Variants in FAM149B1 observed in about 807,000 individuals in gnomAD.
The protein encoded by FAM149B1 is primary cilium assembly protein FAM149B1.
A neutral mutation model predicts 75.3 loss-of-function variants in FAM149B1; 56 were observed. That is an observed-to-expected ratio of 0.74 (90% confidence interval 0.60 to 0.93). FAM149B1 has a LOEUF of 0.93. FAM149B1 is among the 40% of genes least tolerant of loss of function. The probability of loss-of-function intolerance (pLI) is 0.00; values close to 1 mark genes in which losing one functional copy is unlikely to be tolerated. For missense variants in FAM149B1, 639 were observed against 708.4 expected, an observed-to-expected ratio of 0.90 and a Z score of 1.11; for synonymous variants, 259 against 256.1, an observed-to-expected ratio of 1.01 and a Z score of -0.11.
At chr10:73,209,163 T>C (rs1288672734) in intron 6 of FAM149B1, among the ~76,000 whole-genome samples, 1 of 152,138 alleles carries the variant, frequency 6.6e-6, no homozygotes, top group Non-Finnish European at 1.5e-5. Flanking sequence ...AAAATGTATA[T>C]ACAGGCTGGG....
In FAM149B1 at chr10:73,239,218, A is replaced by G. The variant is rs2043889807; in HGVS notation, c.1603-94A>G. ...AAGTTGGTAGTCTATGCCTTTTACC[A>G]CTGTTGATTTCAAGGTGTTCCTGTG... On this transcript the variant is annotated intron_variant, in intron 12 of 13. Transcript: ENST00000242505. 4 of 1,044,808 alleles carry G rather than the reference A, an allele frequency of 3.8e-6. No homozygotes were observed. In the East Asian group the frequency reaches 1.1e-4, roughly 28 times the overall value. The allele number at this position is 1,044,808 out of a possible 1,614,324, so 64.7% of individuals were successfully genotyped here. A position where few individuals can be genotyped will look rare whatever the true frequency, so the allele number is the denominator to read the frequency against.
chr10:73,168,241 G>A lies in FAM149B1; in HGVS notation c.-99G>A, dbSNP rs1156837271. 3.0e-6 allele frequency: 4 copies of A among 1,353,448 alleles called. No individual in the cohort carries two copies. Among genetic ancestry groups the A allele is most frequent in the Admixed American group, 4.9e-5 (2 of 41,180 alleles). The allele number at this position is 1,353,448 out of a possible 1,614,324, so 83.8% of individuals were successfully genotyped here. ...GGGCCGGTAGGTGGCGGGAGGGGCC[G>A]GGCCGGAGCCGGCGGGAGGGCCAGG... is the stretch of plus-strand genomic sequence containing the variant. On this transcript the variant is annotated 5_prime_UTR_variant, in exon 1 of 14. Coordinates refer to ENST00000242505, the MANE Select transcript of FAM149B1 (RefSeq NM_173348.2).
chr10:73,228,829 C>T (rs1457251750), intron 8 of FAM149B1, among the ~76,000 whole-genome samples: 1 of 152,138 alleles, frequency 6.6e-6, no homozygotes, highest in Non-Finnish European at 1.5e-5. Flanking sequence ...CTCCTGGCCT[C>T]ATGTGATCCA....
intron 1 of FAM149B1, among the ~76,000 whole-genome samples, chr10:73,172,103 G>A (rs540453556): frequency 1.6e-3 from 244 of 151,852 alleles, no homozygotes; most frequent in African/African-American, 5.7e-3. Context: ...TTATCTAATT[G>A]TCAATTCATA....
At chr10:73,179,420 C>A (rs780373825) in intron 3 of FAM149B1, among the ~76,000 whole-genome samples, 2 of 145,346 alleles carry the variant, frequency 1.4e-5, no homozygotes, top group Non-Finnish European at 3.0e-5. Context: ...TAGGCTCTTT[C>A]TTTCTGTCTT....
chr10:73,233,118 C>T lies in FAM149B1; in HGVS notation c.1307C>T (p.Ala436Val). The T allele has an allele frequency of 6.4e-7, 1 of 1,551,788 alleles. No homozygotes were observed. Among genetic ancestry groups the T allele is most frequent in the Non-Finnish European group, 8.7e-7 (1 of 1,147,008 alleles). Residue 436 changes from alanine to valine, a missense_variant, in exon 10 of 14, where the codon GCT (alanine) becomes GTT (valine). Coordinates refer to ENST00000242505, the MANE Select transcript of FAM149B1 (RefSeq NM_173348.2). ...CCGATCAGCACGAGCCATTCATGTG[C>T]TGAAACACCAAGATCTGTGGAAGAA... ...LHPISTSHSC[A>V]ETPRSVEEIL...
chr10:73,202,219 C>T (rs578102238), intron 5 of FAM149B1, among the ~76,000 whole-genome samples: 2 of 152,038 alleles, frequency 1.3e-5, no homozygotes, highest in Non-Finnish European at 2.9e-5. Context: ...GTGTAGAATA[C>T]TATCTTATTT....
intron 5 of FAM149B1, among the ~76,000 whole-genome samples, chr10:73,195,271 G>A (rs188862743): frequency 1.4e-4 from 21 of 152,242 alleles, no homozygotes; most frequent in Admixed American, 1.1e-3. Flanking sequence ...TACTGTTAGG[G>A]TTATGAGATT....
At chr10:73,237,564 C>A (rs947701577) in intron 12 of FAM149B1, among the ~76,000 whole-genome samples, 1 of 151,956 alleles carries the variant, frequency 6.6e-6, no homozygotes, top group Non-Finnish European at 1.5e-5. Context: ...GGACTACAGG[C>A]ACCTGCCACC....
chr10:73,230,137 A>G (rs1330347626), intron 8 of FAM149B1, among the ~76,000 whole-genome samples: 2 of 152,184 alleles, frequency 1.3e-5, no homozygotes, highest in Admixed American at 1.3e-4. Flanking sequence ...AACAATAATA[A>G]TAAAGGTCCT....
In FAM149B1 at chr10:73,177,894, G is replaced by T. The variant is rs1290861880; in HGVS notation, c.201G>T (p.Gly67=). The T allele has an allele frequency of 3.2e-6, 5 of 1,551,716 alleles. No homozygotes were observed. The highest frequency in any genetic ancestry group is 4.4e-6 in the Non-Finnish European group (5 of 1,146,924). Residue 67 remains glycine (G), a synonymous_variant, in exon 3 of 14, where the codon GGG becomes GGT. Coordinates refer to ENST00000242505, the MANE Select transcript of FAM149B1 (RefSeq NM_173348.2). The part of the protein sequence containing the change: ...RESSFTSADT[G]NSLSAFPSYT... ...CATCTTTTACATCAGCCGACACTGGGAATTCACTGTCTGCTTTTCCAAGTT... is the reference window on the plus strand; with the variant it reads ...CATCTTTTACATCAGCCGACACTGGTAATTCACTGTCTGCTTTTCCAAGTT...
chr10:73,205,372 C>T (rs922036281), intron 5 of FAM149B1, among the ~76,000 whole-genome samples: 12 of 151,930 alleles, frequency 7.9e-5, no homozygotes, highest in Admixed American at 7.2e-4. Flanking sequence ...CTGCTCTGGT[C>T]GTGTGATATG....
At chr10:73,191,240 A>G (rs1349740487) in intron 3 of FAM149B1, among the ~76,000 whole-genome samples, 2 of 150,810 alleles carry the variant, frequency 1.3e-5, no homozygotes, top group Non-Finnish European at 2.9e-5. Flanking sequence ...GGGTTTCTCC[A>G]TGTCGGTCAG....
At chr10:73,238,814 C>T (rs573735451) in intron 12 of FAM149B1, 2 of 152,282 alleles carry the variant, frequency 1.3e-5, no homozygotes, top group African/African-American at 2.4e-5. Context: ...ATATTGTAGT[C>T]GTATCTCTAC....
chr10:73,197,494 G>C (rs770859418), intron 5 of FAM149B1, among the ~76,000 whole-genome samples: 82 of 152,198 alleles, frequency 5.4e-4, no homozygotes, highest in Non-Finnish European at 9.4e-4. Context: ...TTCCAGCCAG[G>C]CACGGTGGCT....
At chr10:73,226,618 C>T (rs2133393305) in intron 7 of FAM149B1, among the ~76,000 whole-genome samples, 2 of 152,254 alleles carry the variant, frequency 1.3e-5, no homozygotes, top group South Asian at 4.1e-4. Flanking sequence ...CTCAGTTTAT[C>T]TATAAAATGA....
At chr10:73,205,433 C>A (rs1222902725) in intron 5 of FAM149B1, among the ~76,000 whole-genome samples, 4 of 152,160 alleles carry the variant, frequency 2.6e-5, no homozygotes, top group Non-Finnish European at 4.4e-5. Flanking sequence ...TGCAGCCTCC[C>A]TCAAAGCAGA....
chr10:73,218,173 T>C (rs754875239), intron 7 of FAM149B1, among the ~76,000 whole-genome samples: 2 of 152,174 alleles, frequency 1.3e-5, no homozygotes, highest in Non-Finnish European at 2.9e-5. Context: ...AAAAAAGGGT[T>C]CATAGCAATT....
At position 73,241,340 on chromosome 10, in the gene FAM149B1, A is replaced by G. The variant is rs2043947875; in HGVS notation, c.*321A>G. ...TCTCTTAACAATGATCAGTTCAATC[A>G]TATAGGATTTGATGAGCTCACACAT... is the stretch of plus-strand genomic sequence containing the variant. On this transcript the variant is annotated 3_prime_UTR_variant, in exon 14 of 14. Coordinates refer to ENST00000242505, the MANE Select transcript of FAM149B1 (RefSeq NM_173348.2). The G allele has an allele frequency of 3.1e-6, 1 of 323,744 alleles. No individual in the cohort carries two copies. Among genetic ancestry groups the G allele is most frequent in the Non-Finnish European group, 5.9e-6 (1 of 168,142 alleles). The allele number at this position is 323,744 out of a possible 1,614,324, so 20.1% of individuals were successfully genotyped here.
Sources: allele counts gnomAD v4.1 joint callset (sites outside exome capture counted in the v4.1 genomes callset), GRCh38; gene constraint gnomAD v4.1.1; transcripts MANE v1.5; gene names NCBI Gene and HGNC (gene_info 2026-07-23, HGNC 2026-07-21).